TNFRSF11A: variants seen among roughly 807,000 people sequenced by gnomAD.
TNFRSF11A encodes the protein tumor necrosis factor receptor superfamily member 11A.
Under a neutral mutation model 55.7 loss-of-function variants are expected in TNFRSF11A, and 32 were observed. That is an observed-to-expected ratio of 0.57 (90% CI 0.43 to 0.77). TNFRSF11A has a LOEUF of 0.77. Among genes scored for constraint, TNFRSF11A ranks in the 30% least tolerant of loss-of-function variants. TNFRSF11A has a pLI of 0.00. For missense variants in TNFRSF11A, 753 were observed against 809.8 expected, an observed-to-expected ratio of 0.93 and a Z score of 0.85; for synonymous variants, 311 against 331.0, an observed-to-expected ratio of 0.94 and a Z score of 0.65.
intron 5 of TNFRSF11A, 68 bp downstream of exon 5, chr18:62,358,409 C>G: frequency 6.8e-7 from 1 of 1,466,152 alleles, no homozygotes; most frequent in East Asian, 2.3e-5. Flanking sequence ...ACTGTCTCGT[C>G]TGGGTTGAAA....
In TNFRSF11A at chr18:62,376,759, G is replaced by A. The variant is rs1910926917; in HGVS notation, c.1567+7275G>A. 2.0e-5 allele frequency among the ~76,000 whole-genome samples: 3 copies of A among 152,178 alleles called. No homozygotes were observed. The South Asian group carries it at 6.2e-4, about 32-fold the overall frequency. ...ACCCCTTCCTCTCTCTGAACTTCTG[G>A]CAACTACTGATCTTTCTACTGTCTC... On this transcript the variant is annotated intron_variant, in intron 9 of 9. Coordinates refer to ENST00000586569, the MANE Select transcript of TNFRSF11A (RefSeq NM_003839.4).
At position 62,354,659 on chromosome 18, in the gene TNFRSF11A, A is replaced by G. The variant is rs1600384569; in HGVS notation, c.427+125A>G. The G allele has an allele frequency of 2.8e-6, 4 of 1,418,276 alleles. No homozygotes were observed. In the East Asian group the frequency reaches 9.4e-5, roughly 33 times the overall value. 87.9% of individuals were successfully genotyped at this position (1,418,276 alleles called of 1,614,324 possible). A position where few individuals can be genotyped will look rare whatever the true frequency, so the allele number is the denominator to read the frequency against. On this transcript the variant is annotated intron_variant, in intron 4 of 9. Transcript: ENST00000586569. The stretch of plus-strand genomic sequence containing the variant: ...AGGCAGCATTGGAGGAACCTGAGGG[A>G]TGGGGAAAGGTGGGGGCTGATTTTC...
chr18:62,335,274 A>ATTTGGCTAAT (rs1555769324), intron 1 of TNFRSF11A, among the ~76,000 whole-genome samples: 1 of 151,332 alleles, frequency 6.6e-6, no homozygotes, highest in Non-Finnish European at 1.5e-5. Flanking sequence ...CATTTGGCTA[A>ATTTGGCTAAT]TTTTTTTTGT....
intron 3 of TNFRSF11A, 97 bp from the exon 4 acceptor site, chr18:62,354,294 G>A: frequency 7.1e-7 from 1 of 1,413,682 alleles, no homozygotes; most frequent in Non-Finnish European, 9.3e-7. Flanking sequence ...CAGGCGGGCT[G>A]CTGCTCTGGG....
chr18:62,338,762 T>A (rs1443471172), intron 1 of TNFRSF11A, among the ~76,000 whole-genome samples: 1 of 152,218 alleles, frequency 6.6e-6, no homozygotes, highest in Non-Finnish European at 1.5e-5. Flanking sequence ...TGCTACTTAT[T>A]GCCCCTGAAT....
At chr18:62,371,369 A>G (rs918238398) in intron 9 of TNFRSF11A, among the ~76,000 whole-genome samples, 3 of 152,212 alleles carry the variant, frequency 2.0e-5, no homozygotes, top group African/African-American at 7.2e-5. Context: ...AAAGAGAGAG[A>G]GAGAGACACA....
intron 1 of TNFRSF11A, among the ~76,000 whole-genome samples, chr18:62,335,189 A>G (rs1406165907): frequency 6.7e-6 from 1 of 148,714 alleles, no homozygotes; most frequent in Non-Finnish European, 1.5e-5. Flanking sequence ...AGCTCACTGA[A>G]CCTCGCTTCT....
intron 9 of TNFRSF11A, among the ~76,000 whole-genome samples, chr18:62,380,810 T>A (rs1289272288): frequency 3.3e-5 from 5 of 151,042 alleles, no homozygotes; most frequent in Non-Finnish European, 7.4e-5. Flanking sequence ...ATATTCTTTT[T>A]TTTTTTTTTT....
At chr18:62,376,503 G>A (rs931935992) in intron 9 of TNFRSF11A, among the ~76,000 whole-genome samples, 4 of 152,016 alleles carry the variant, frequency 2.6e-5, no homozygotes, top group African/African-American at 7.2e-5. Context: ...TAGGAAAATT[G>A]AGGGGCAGGT....
In TNFRSF11A at chr18:62,385,343, T is replaced by TGGGG. The variant is rs552069161; in HGVS notation, c.*317_*320dup. ...CTATTTTTATGACTATCCTGTTCTGTGGGGGGGGGGGTCTGTTTTCCCCCC... is the reference window on the plus strand; with the variant it reads ...CTATTTTTATGACTATCCTGTTCTGTGGGGGGGGGGGGGGGTCTGTTTTCCCCCC... On this transcript the variant is annotated 3_prime_UTR_variant, in exon 10 of 10. Transcript: ENST00000586569. The TGGGG allele has an allele frequency of 1.2e-5, 2 of 162,690 alleles. No individual in the cohort carries two copies. The highest frequency in any genetic ancestry group is 5.2e-5 in the African/African-American group (2 of 38,418). The allele number at this position is 162,690 out of a possible 1,614,324, so 10.1% of individuals were successfully genotyped here.
At chr18:62,354,751 G>A (rs568563387) in intron 4 of TNFRSF11A, among the ~76,000 whole-genome samples, 1 of 152,274 alleles carries the variant, frequency 6.6e-6, no homozygotes, top group South Asian at 2.1e-4. Context: ...AAGGGACTGC[G>A]GGCAATTTGC....
chr18:62,367,472 A>T (rs2064978592), intron 8 of TNFRSF11A: 1 of 153,004 alleles, frequency 6.5e-6, no homozygotes, highest in Non-Finnish European at 1.5e-5. Flanking sequence ...TATACCCTAG[A>T]CATAGGCCCA....
rs753971282 is a variant in TNFRSF11A, at chr18:62,369,378, G to A, written c.1461G>A (p.Thr487=). The part of the protein sequence containing the change: ...GLPPEEEASR[T]EARDQPEDGA... The stretch of plus-strand genomic sequence containing the variant: ...CCCCTGAAGAAGAAGCCAGCAGGAC[G>A]GAGGCCAGAGACCAGCCCGAGGATG... Residue 487 remains threonine (T), a synonymous_variant, in exon 9 of 10, where the codon ACG becomes ACA. Coordinates refer to ENST00000586569, the MANE Select transcript of TNFRSF11A (RefSeq NM_003839.4). 35 of 1,611,368 alleles carry A rather than the reference G, an allele frequency of 2.2e-5. 1 individual carries two copies. Among genetic ancestry groups the A allele is most frequent in the Non-Finnish European group, 3.0e-5 (35 of 1,179,692 alleles).
intron 8 of TNFRSF11A, 82 bp downstream of exon 8, chr18:62,366,842 ACC>A (rs34939126): frequency 7.6e-6 from 9 of 1,185,748 alleles, no homozygotes; most frequent in African/African-American, 3.1e-5. Flanking sequence ...CATATTGAGC[ACC>A]CCCCCCCACC....
intron 1 of TNFRSF11A, among the ~76,000 whole-genome samples, chr18:62,335,314 T>C (rs1157983387): frequency 1.3e-5 from 2 of 152,102 alleles, no homozygotes; most frequent in East Asian, 3.9e-4. Flanking sequence ...ATTTACCATA[T>C]TGGCCAGTTT....
chr18:62,354,480 G>C lies in TNFRSF11A; in HGVS notation c.373G>C (p.Glu125Gln), dbSNP rs1909095852. The change falls in exon 4 of 10, where the codon GAG becomes CAG. Residue 125 changes from glutamate to glutamine, a missense_variant. Coordinates refer to ENST00000586569, the MANE Select transcript of TNFRSF11A (RefSeq NM_003839.4). ...TAGYHWSQDC[E>Q]CCRRNTECAP... is the part of the protein sequence containing the mutation. ...TGGGTACCACTGGAGCCAGGACTGC[G>C]AGTGCTGCCGCCGCAACACCGAGTG... The C allele has an allele frequency of 1.2e-6, 2 of 1,601,712 alleles. No homozygotes were observed. The highest frequency in any genetic ancestry group is 1.7e-6 in the Non-Finnish European group (2 of 1,179,224).
At chr18:62,341,840 T>TC (rs1481703348) in intron 1 of TNFRSF11A, among the ~76,000 whole-genome samples, 1 of 149,466 alleles carries the variant, frequency 6.7e-6, no homozygotes, top group Non-Finnish European at 1.5e-5. Context: ...GAATGGCTTT[T>TC]TTTTTTTTTT....
chr18:62,333,070 G>A (rs2046178400), intron 1 of TNFRSF11A, among the ~76,000 whole-genome samples: 1 of 152,152 alleles, frequency 6.6e-6, no homozygotes, highest in Non-Finnish European at 1.5e-5. Flanking sequence ...GGGCAGAGGT[G>A]GTGACAGGCA....
In TNFRSF11A at chr18:62,368,794, A is replaced by C; in HGVS notation, c.877A>C (p.Lys293Gln). Residue 293 changes from lysine to glutamine, a missense_variant, in exon 9 of 10, where the codon AAG becomes CAG. By Grantham distance (53) the Lys-to-Gln change is moderately conservative (BLOSUM62 1). Coordinates refer to ENST00000586569, the MANE Select transcript of TNFRSF11A (RefSeq NM_003839.4). Reference protein sequence around the residue: ...EGVLLLTLEEKTFPEDMCYPD... With the variant: ...EGVLLLTLEEQTFPEDMCYPD... ...TGTCTTACTGCTGACTCTGGAGGAG[A>C]AGACATTTCCAGAAGATATGTGCTA... 6.2e-7 allele frequency: 1 copy of C among 1,614,210 alleles called. No individual in the cohort carries two copies. The highest frequency in any genetic ancestry group is 8.5e-7 in the Non-Finnish European group (1 of 1,180,034).
Sources: gnomAD v4.1 joint callset for allele counts (sites outside exome capture counted in the v4.1 genomes callset) on GRCh38, gnomAD v4.1.1 for gene constraint, MANE v1.5 for transcripts, NCBI Gene and HGNC (gene_info 2026-07-23, HGNC 2026-07-21) for gene names.